GALNT13: variants seen among roughly 807,000 people sequenced by gnomAD.
The protein encoded by GALNT13 is polypeptide N-acetylgalactosaminyltransferase 13.
In GALNT13, 28 loss-of-function variants were observed where a neutral mutation model predicts 64.2. The observed-to-expected ratio is 0.44, with a 90% CI of 0.32 to 0.60. The LOEUF is 0.60. GALNT13 is among the 20% of genes least tolerant of loss of function. The probability of loss-of-function intolerance (pLI) is 0.05; values close to 1 mark genes in which losing one functional copy is unlikely to be tolerated. For missense variants in GALNT13, 577 were observed against 669.8 expected (o/e 0.86, Z 1.53); for synonymous variants, 214 against 224.6 (o/e 0.95, Z 0.42).
At chr2:154,156,447 A>G (rs1197162890) in intron 4 of GALNT13, among the ~76,000 whole-genome samples, 1 of 152,134 alleles carries the variant, frequency 6.6e-6, no homozygotes, top group Non-Finnish European at 1.5e-5. Flanking sequence ...AAATTATGTG[A>G]TAATAGTAAA....
intron 1 of GALNT13, among the ~76,000 whole-genome samples, chr2:153,884,158 G>A (rs925804006): frequency 6.6e-6 from 1 of 151,836 alleles, no homozygotes; most frequent in East Asian, 1.9e-4. Flanking sequence ...ACCAACAAGA[G>A]GAATAATGAC....
chr2:153,528,789 A>G, the GALNT13 span, among the ~76,000 whole-genome samples: 1 of 152,078 alleles, frequency 6.6e-6, no homozygotes, highest in Non-Finnish European at 1.5e-5. Flanking sequence ...CTATGCAAAT[A>G]CAAGGAAATT....
chr2:153,080,726 A>C, the GALNT13 span, among the ~76,000 whole-genome samples: 1 of 152,048 alleles, frequency 6.6e-6, no homozygotes, highest in Non-Finnish European at 1.5e-5. Flanking sequence ...AAATTCTTCT[A>C]AAATCTTTTA....
rs766217238 is a variant in GALNT13, at chr2:153,944,507, T to C, written c.10T>C (p.Phe4Leu). 1 of 1,612,918 alleles carries C rather than the reference T, an allele frequency of 6.2e-7. No individual in the cohort carries two copies. The highest frequency in any genetic ancestry group is 1.1e-5 in the South Asian group (1 of 90,824). The change falls in exon 3 of 13, where the codon TTT (phenylalanine) becomes CTT (leucine). Residue 4 changes from phenylalanine (F) to leucine (L), a missense_variant. Phe to Leu is a conservative substitution (Grantham distance 22, BLOSUM62 0). Coordinates refer to ENST00000392825, the MANE Select transcript of GALNT13 (RefSeq NM_052917.4). MRR[F>L]VYCKVVLATS... is the part of the protein sequence containing the mutation. ...GAAATCAAGGAAAGACATGAGGAGA[T>C]TTGTCTACTGCAAGGTGGTTCTAGC... is the stretch of plus-strand genomic sequence containing the variant.
intron 3 of GALNT13, among the ~76,000 whole-genome samples, chr2:154,086,028 A>T (rs1178561370): frequency 6.6e-6 from 1 of 151,744 alleles, no homozygotes; most frequent in Non-Finnish European, 1.5e-5. Context: ...GCCCATTGTC[A>T]GTAGGCAACA....
chr2:154,409,156 C>T lies in GALNT13; in HGVS notation c.1395+74C>T, dbSNP rs761611688. On this transcript the variant is annotated intron_variant, in intron 11 of 12. Transcript: ENST00000392825. The stretch of plus-strand genomic sequence containing the variant: ...TTAAAACTATCAGTGGAGACCATGG[C>T]TCACATGTTAATAACTATAAACTGA... The T allele has an allele frequency of 3.4e-5, 30 of 892,858 alleles. No homozygotes were observed. The East Asian group carries it at 6.8e-4, about 20-fold the overall frequency. 55.3% of individuals were successfully genotyped at this position (892,858 alleles called of 1,614,324 possible). A position where few individuals can be genotyped will look rare whatever the true frequency, so the allele number is the denominator to read the frequency against.
chr2:153,718,370 C>T, the GALNT13 span, among the ~76,000 whole-genome samples: 8 of 151,448 alleles, frequency 5.3e-5, no homozygotes, highest in South Asian at 2.1e-4. Flanking sequence ...CTTAATCACC[C>T]GTGTCTGTTC....
At chr2:153,739,152 T>G in the GALNT13 span, among the ~76,000 whole-genome samples, 455 of 152,088 alleles carry the variant, frequency 3.0e-3, 3 homozygotes, top group African/African-American at 0.011. Context: ...ATCAATAAAT[T>G]ACATTCAATG....
intron 3 of GALNT13, among the ~76,000 whole-genome samples, chr2:153,963,660 C>T (rs904872618): frequency 1.3e-5 from 2 of 149,528 alleles, no homozygotes; most frequent in African/African-American, 2.5e-5. Context: ...ACTTGGATTT[C>T]GTGATAACTA....
At chr2:153,234,846 T>G in the GALNT13 span, among the ~76,000 whole-genome samples, 1 of 152,202 alleles carries the variant, frequency 6.6e-6, no homozygotes, top group South Asian at 2.1e-4. Flanking sequence ...CTCATAATTG[T>G]CTGAGCCAGG....
chr2:154,407,297 C>G (rs1034867278), intron 10 of GALNT13, among the ~76,000 whole-genome samples: 1 of 152,132 alleles, frequency 6.6e-6, no homozygotes, highest in Non-Finnish European at 1.5e-5. Context: ...CTGTCCTACA[C>G]TCTTTTAGGA....
the GALNT13 span, among the ~76,000 whole-genome samples, chr2:153,475,644 G>A: frequency 1.3e-5 from 2 of 152,028 alleles, no homozygotes; most frequent in Non-Finnish European, 2.9e-5. Context: ...TTCAGCCTCC[G>A]CGTGTCTGAA....
At chr2:153,854,783 A>AT in the GALNT13 span, among the ~76,000 whole-genome samples, 1 of 152,258 alleles carries the variant, frequency 6.6e-6, no homozygotes, top group African/African-American at 2.4e-5. Context: ...AATCAAGCAA[A>AT]TTTTTTGGTG....
the GALNT13 span, among the ~76,000 whole-genome samples, chr2:153,558,248 A>G: frequency 2.0e-5 from 3 of 152,296 alleles, no homozygotes; most frequent in South Asian, 6.2e-4. Flanking sequence ...TAGAAAGAGG[A>G]CAGATACCTA....
At chr2:153,347,009 C>T in the GALNT13 span, among the ~76,000 whole-genome samples, 349 of 152,290 alleles carry the variant, frequency 2.3e-3, 2 homozygotes, top group African/African-American at 8.1e-3. Context: ...AGAACAAAAG[C>T]TTTTCCTTTT....
chr2:154,294,942 A>G (rs1692831397), intron 8 of GALNT13, among the ~76,000 whole-genome samples: 1 of 152,228 alleles, frequency 6.6e-6, no homozygotes, highest in African/African-American at 2.4e-5. Flanking sequence ...GAAGGTCAGA[A>G]TGGCCTCCTG....
chr2:153,660,403 T>A, the GALNT13 span, among the ~76,000 whole-genome samples: 1 of 151,992 alleles, frequency 6.6e-6, no homozygotes, highest in Non-Finnish European at 1.5e-5. Context: ...GGAACTTACG[T>A]GAAATATAAT....
At chr2:153,297,067 C>G in the GALNT13 span, among the ~76,000 whole-genome samples, 1 of 152,078 alleles carries the variant, frequency 6.6e-6, no homozygotes, top group Non-Finnish European at 1.5e-5. Context: ...CAATCAGACT[C>G]TAGGATGCCA....
chr2:153,840,135 A>G, the GALNT13 span, among the ~76,000 whole-genome samples: 1 of 152,134 alleles, frequency 6.6e-6, no homozygotes, highest in Non-Finnish European at 1.5e-5. Flanking sequence ...AATGCATTGA[A>G]GAACTTTGTT....
Sources: gnomAD v4.1 joint callset for allele counts (sites outside exome capture counted in the v4.1 genomes callset) on GRCh38, gnomAD v4.1.1 for gene constraint, MANE v1.5 for transcripts, NCBI Gene and HGNC (gene_info 2026-07-23, HGNC 2026-07-21) for gene names.